Variants in AFG1L observed in about 807,000 individuals in gnomAD.
AFG1L encodes AFG1-like ATPase.
AFG1L carries 53 observed loss-of-function variants against 62.2 expected under a neutral mutation model. That is an observed-to-expected ratio of 0.85 (90% CI 0.68 to 1.07). The LOEUF is 1.07. Among genes scored for constraint, AFG1L ranks in the 50% least tolerant of loss-of-function variants. The pLI, the probability that AFG1L is intolerant of heterozygous loss-of-function variation, is 0.00. For synonymous variants in AFG1L, 228 were observed against 210.3 expected, an observed-to-expected ratio of 1.08 and a Z score of -0.73; for missense variants, 555 against 590.5, an observed-to-expected ratio of 0.94 and a Z score of 0.62.
intron 10 of AFG1L, among the ~76,000 whole-genome samples, chr6:108,509,946 A>T (rs184456500): frequency 1.4e-3 from 209 of 152,316 alleles, no homozygotes; most frequent in African/African-American, 4.7e-3. Flanking sequence ...AAAACCTCAT[A>T]TTAGGTATGT....
chr6:108,486,422 T>G (rs1773574763), intron 10 of AFG1L, among the ~76,000 whole-genome samples: 1 of 152,208 alleles, frequency 6.6e-6, no homozygotes, highest in Non-Finnish European at 1.5e-5. Context: ...GTACATTCCA[T>G]TTTATCACTT....
chr6:108,395,407 T>TC (rs1432328351), intron 6 of AFG1L, among the ~76,000 whole-genome samples: 12 of 146,552 alleles, frequency 8.2e-5, no homozygotes, highest in Admixed American at 1.4e-4. Context: ...TCTTTTCTTT[T>TC]TTTTTTTTTT....
At chr6:108,517,711 C>G (rs1231265383) in intron 11 of AFG1L, among the ~76,000 whole-genome samples, 1 of 152,128 alleles carries the variant, frequency 6.6e-6, no homozygotes, top group African/African-American at 2.4e-5. Context: ...TCAGAGTGAA[C>G]AGGCAGCCTA....
At chr6:108,361,960 T>C (rs1340360033) in intron 5 of AFG1L, among the ~76,000 whole-genome samples, 1 of 152,244 alleles carries the variant, frequency 6.6e-6, no homozygotes, top group Non-Finnish European at 1.5e-5. Flanking sequence ...CATGAATCTT[T>C]ATTAATTGAT....
intron 3 of AFG1L, among the ~76,000 whole-genome samples, chr6:108,352,720 A>G (rs1779132734): frequency 6.6e-6 from 1 of 151,946 alleles, no homozygotes; most frequent in Admixed American, 6.6e-5. Flanking sequence ...ATGCACCACA[A>G]TGCCCAACTA....
chr6:108,508,969 G>A (rs1774529595), intron 10 of AFG1L, among the ~76,000 whole-genome samples: 2 of 152,164 alleles, frequency 1.3e-5, no homozygotes, highest in Non-Finnish European at 1.5e-5. Context: ...TGACCCAGGA[G>A]CTTCCAGAGG....
chr6:108,446,045 TAG>T (rs1255151855), intron 7 of AFG1L, among the ~76,000 whole-genome samples: 1 of 138,142 alleles, frequency 7.2e-6, no homozygotes, highest in Non-Finnish European at 1.5e-5. Context: ...CTCATCTATG[TAG>T]AGATACACAC....
chr6:108,475,435 G>A (rs982969966), intron 8 of AFG1L, among the ~76,000 whole-genome samples: 7 of 152,100 alleles, frequency 4.6e-5, no homozygotes, highest in Non-Finnish European at 1.0e-4. Flanking sequence ...ACCAAAGGTG[G>A]TGTTGGTTCC....
At chr6:108,485,624 A>AC (rs1773507871) in intron 10 of AFG1L, among the ~76,000 whole-genome samples, 1 of 38,074 alleles carries the variant, frequency 2.6e-5, no homozygotes, top group Admixed American at 3.2e-4. Flanking sequence ...ATACGAATTT[A>AC]AATATATATA....
intron 10 of AFG1L, among the ~76,000 whole-genome samples, chr6:108,501,912 C>CA (rs376843640): frequency 6.6e-6 from 1 of 151,972 alleles, no homozygotes; most frequent in Non-Finnish European, 1.5e-5. Flanking sequence ...AGCATTATGT[C>CA]AAAAAAATAC....
rs770762851 is a variant in AFG1L, at chr6:108,510,280, G to T, written c.1131G>T (p.Pro377=). 1.9e-6 allele frequency: 3 copies of T among 1,610,882 alleles called. No individual in the cohort carries two copies. Among genetic ancestry groups the T allele is most frequent in the East Asian group, 4.5e-5 (2 of 44,816 alleles). Residue 377 remains proline (P), a synonymous_variant, in exon 11 of 13, where the codon CCG becomes CCT. Coordinates refer to ENST00000368977, the MANE Select transcript of AFG1L (RefSeq NM_145315.5). ...NFDTIFLRNI[P]QFTLANRTQG... ...ATACAATATTTTTACGAAACATTCC[G>T]CAATTTACTCTGGCAAACAGGACTC...
rs1424528059 is a variant in AFG1L at position 108,399,174 on chromosome 6, G to GTTTT, written c.749-2819_749-2818insTTTT. Among the ~76,000 whole-genome samples the GTTTT allele has an allele frequency of 1.1e-3, 54 of 51,412 alleles. 2 individuals are homozygous for GTTTT. Among genetic ancestry groups the GTTTT allele is most frequent in the South Asian group, 5.3e-3 (8 of 1,502 alleles). The allele number at this position is 51,412 out of a possible 152,430, so 33.7% of individuals were successfully genotyped here. A position where few individuals can be genotyped will look rare whatever the true frequency, so the allele number is the denominator to read the frequency against. On this transcript the variant is annotated intron_variant, in intron 6 of 12. Transcript: ENST00000368977. ...ATTGCAAAGATCTGTCACTTCTTTT[G>GTTTT]TTTGTTTTTTTTTTTTTTTTTTTTT...
intron 7 of AFG1L, among the ~76,000 whole-genome samples, chr6:108,417,282 AC>A (rs201694477): frequency 0.039 from 5,063 of 128,190 alleles, 96 homozygotes; most frequent in Middle Eastern, 0.081. Flanking sequence ...ACACACACAC[AC>A]ACACAAAAAA....
chr6:108,344,007 A>T (rs887165677), intron 2 of AFG1L, among the ~76,000 whole-genome samples: 1 of 152,224 alleles, frequency 6.6e-6, no homozygotes, highest in African/African-American at 2.4e-5. Context: ...CAGGCCAGGT[A>T]TGGTGGCTCA....
chr6:108,362,276 T>G (rs894677496), intron 5 of AFG1L, among the ~76,000 whole-genome samples: 8 of 152,226 alleles, frequency 5.3e-5, no homozygotes. Flanking sequence ...ATAATATGGT[T>G]GATTTTTTTT....
intron 6 of AFG1L, among the ~76,000 whole-genome samples, chr6:108,389,127 T>C (rs1780923602): frequency 6.6e-6 from 1 of 152,232 alleles, no homozygotes; most frequent in South Asian, 2.1e-4. Context: ...TTTACCATTA[T>C]GTAATGGCCT....
At chr6:108,415,616 A>G (rs908871501) in intron 7 of AFG1L, among the ~76,000 whole-genome samples, 5 of 152,222 alleles carry the variant, frequency 3.3e-5, no homozygotes, top group African/African-American at 1.2e-4. Context: ...GAATAATTCC[A>G]CACATCTGCA....
At chr6:108,388,391 A>G (rs1226167345) in intron 6 of AFG1L, among the ~76,000 whole-genome samples, 1 of 151,132 alleles carries the variant, frequency 6.6e-6, no homozygotes, top group African/African-American at 2.4e-5. Context: ...TTCTGCTCTG[A>G]TTTTAGTTAT....
chr6:108,379,267 C>T (rs1461017579), intron 6 of AFG1L, among the ~76,000 whole-genome samples: 1 of 152,086 alleles, frequency 6.6e-6, no homozygotes, highest in African/African-American at 2.4e-5. Flanking sequence ...ACCTTAGCCT[C>T]CCAAGGTGCT....
Sources: allele counts gnomAD v4.1 joint callset (sites outside exome capture counted in the v4.1 genomes callset), GRCh38; gene constraint gnomAD v4.1.1; transcripts MANE v1.5; gene names NCBI Gene and HGNC (gene_info 2026-07-23, HGNC 2026-07-21).